Variants in THSD7B observed in about 807,000 individuals in gnomAD.
THSD7B encodes thrombospondin type-1 domain-containing protein 7B.
Under a neutral mutation model 213.6 loss-of-function variants are expected in THSD7B, and 138 were observed. The observed-to-expected ratio is 0.65, with a 90% CI of 0.56 to 0.74. THSD7B has a LOEUF of 0.74. Among genes scored for constraint, THSD7B ranks in the 30% least tolerant of loss-of-function variants. The pLI is 0.00. For missense variants in THSD7B, 1,931 were observed against 1,991.5 expected, an observed-to-expected ratio of 0.97 and a Z score of 0.58; for synonymous variants, 742 against 687.0, an observed-to-expected ratio of 1.08 and a Z score of -1.25.
chr2:136,792,394 T>C (rs999635292), intron 1 of THSD7B, among the ~76,000 whole-genome samples: 5 of 151,984 alleles, frequency 3.3e-5, no homozygotes, highest in African/African-American at 1.2e-4. Flanking sequence ...GGGCACAGAA[T>C]ATTCTTAGGG....
intron 3 of THSD7B, among the ~76,000 whole-genome samples, chr2:137,057,844 A>G (rs939470116): frequency 2.0e-5 from 3 of 152,230 alleles, no homozygotes; most frequent in African/African-American, 4.8e-5. Flanking sequence ...GAAATAAACT[A>G]TTAAAGCAAC....
chr2:136,980,868 G>C (rs1685564954), intron 2 of THSD7B, among the ~76,000 whole-genome samples: 1 of 152,208 alleles, frequency 6.6e-6, no homozygotes, highest in Non-Finnish European at 1.5e-5. Flanking sequence ...GGGGATGGGA[G>C]ATCCCCTTGC....
intron 21 of THSD7B, among the ~76,000 whole-genome samples, chr2:137,642,950 T>G (rs941387744): frequency 1.3e-5 from 2 of 152,214 alleles, no homozygotes; most frequent in Non-Finnish European, 2.9e-5. Flanking sequence ...ATTATTTAAT[T>G]AGGCGAAAAT....
intron 12 of THSD7B, among the ~76,000 whole-genome samples, chr2:137,358,782 G>A (rs535831464): frequency 4.6e-5 from 7 of 152,240 alleles, no homozygotes; most frequent in South Asian, 4.2e-4. Flanking sequence ...TTTAGAAGGC[G>A]CTTAGTGAAT....
chr2:136,827,178 C>T (rs937850338), intron 1 of THSD7B, among the ~76,000 whole-genome samples: 5 of 152,324 alleles, frequency 3.3e-5, no homozygotes, highest in African/African-American at 1.2e-4. Context: ...CAGCTCCAGA[C>T]TCTTGCAGGA....
rs116933376 is a variant in THSD7B, at chr2:137,227,576, T to C, written c.1724-3468T>C. ...GAAAATAAAAACAGGAAAGCATAAA[T>C]GTTCCTCTTCTGAGATGGGTTCTGT... On this transcript the variant is annotated intron_variant, in intron 7 of 27. Coordinates refer to ENST00000409968, the MANE Select transcript of THSD7B (RefSeq NM_001316349.2). 1.2e-3 allele frequency among the ~76,000 whole-genome samples: 178 copies of C among 152,242 alleles called. 4 individuals are homozygous for C. In the East Asian group the frequency reaches 0.029, roughly 25 times the overall value.
chr2:137,370,404 G>A (rs1444370638), intron 12 of THSD7B, among the ~76,000 whole-genome samples: 5 of 152,042 alleles, frequency 3.3e-5, no homozygotes, highest in African/African-American at 1.2e-4. Context: ...TCTAAAGAGT[G>A]TTTGTTTTGT....
At chr2:137,627,898 G>A (rs1315858786) in intron 20 of THSD7B, among the ~76,000 whole-genome samples, 1 of 152,222 alleles carries the variant, frequency 6.6e-6, no homozygotes, top group African/African-American at 2.4e-5. Flanking sequence ...ATTGTTTTAA[G>A]AGGCAGTCAG....
At chr2:137,586,638 T>G (rs1425688188) in intron 17 of THSD7B, among the ~76,000 whole-genome samples, 2 of 152,238 alleles carry the variant, frequency 1.3e-5, no homozygotes, top group African/African-American at 2.4e-5. Flanking sequence ...GAAAATTCTT[T>G]TCTTTAAGAA....
intron 15 of THSD7B, among the ~76,000 whole-genome samples, chr2:137,501,431 GA>G (rs35738690): frequency 0.69 from 104,448 of 150,748 alleles, 37,384 homozygotes; most frequent in Non-Finnish European, 0.8. Flanking sequence ...TCCACTTTTT[GA>G]AAAAAAAAAT....
intron 14 of THSD7B, among the ~76,000 whole-genome samples, chr2:137,443,567 T>C (rs1181729043): frequency 6.6e-6 from 1 of 152,102 alleles, no homozygotes; most frequent in Admixed American, 6.6e-5. Context: ...TGATTCTCTA[T>C]CTTGTCAATC....
intron 1 of THSD7B, among the ~76,000 whole-genome samples, chr2:136,792,905 GC>G (rs1257635570): frequency 1.3e-5 from 2 of 151,904 alleles, no homozygotes; most frequent in Non-Finnish European, 2.9e-5. Flanking sequence ...CCATGTTATT[GC>G]ATTTATCAGT....
chr2:137,670,003 G>A (rs1373461156), intron 27 of THSD7B, among the ~76,000 whole-genome samples: 1 of 151,796 alleles, frequency 6.6e-6, no homozygotes, highest in African/African-American at 2.4e-5. Flanking sequence ...TATATTCATG[G>A]GATACAAATG....
intron 2 of THSD7B, among the ~76,000 whole-genome samples, chr2:136,925,733 G>A (rs1192666147): frequency 2.0e-5 from 3 of 152,106 alleles, no homozygotes; most frequent in African/African-American, 7.2e-5. Context: ...AAGAGTTTAA[G>A]GGGATTGGTG....
At chr2:137,514,916 T>A (rs755882809) in intron 15 of THSD7B, among the ~76,000 whole-genome samples, 14 of 152,110 alleles carry the variant, frequency 9.2e-5, no homozygotes, top group African/African-American at 2.2e-4. Flanking sequence ...GACAAAGTGA[T>A]GAAAGAAAAT....
chr2:136,911,137 C>T (rs989536395), intron 2 of THSD7B, among the ~76,000 whole-genome samples: 4 of 152,072 alleles, frequency 2.6e-5, no homozygotes, highest in Non-Finnish European at 5.9e-5. Context: ...TCAGCAAAAT[C>T]AACTTTAAGG....
chr2:137,389,226 AATATAT>A (rs201188768), intron 12 of THSD7B, among the ~76,000 whole-genome samples: 1 of 129,710 alleles, frequency 7.7e-6, no homozygotes, highest in Non-Finnish European at 1.7e-5. Flanking sequence ...ATGACAAAAT[AATATAT>A]ATATATAGAG....
intron 2 of THSD7B, among the ~76,000 whole-genome samples, chr2:136,912,274 A>G (rs1336340831): frequency 7.0e-6 from 1 of 143,684 alleles, no homozygotes; most frequent in African/African-American, 2.6e-5. Flanking sequence ...GTGAGTTGAG[A>G]TAGTGCCACT....
chr2:136,953,391 G>A (rs943961191), intron 2 of THSD7B, among the ~76,000 whole-genome samples: 1 of 151,968 alleles, frequency 6.6e-6, no homozygotes, highest in Non-Finnish European at 1.5e-5. Flanking sequence ...TTCAGCCTGG[G>A]GACTTCTCCT....
Sources: gnomAD v4.1 joint callset for allele counts (sites outside exome capture counted in the v4.1 genomes callset) on GRCh38, gnomAD v4.1.1 for gene constraint, MANE v1.5 for transcripts, NCBI Gene and HGNC (gene_info 2026-07-23, HGNC 2026-07-21) for gene names.